The following DIAPH2 variants were observed in gnomAD, a reference collection of about 807,000 sequenced individuals.
The protein encoded by DIAPH2 is diaphanous related formin 2.
A neutral mutation model predicts 92.7 loss-of-function variants in DIAPH2; 35 were observed. The observed-to-expected ratio is 0.38, with a 90% CI of 0.29 to 0.50. DIAPH2 has a LOEUF of 0.50. DIAPH2 is among the 20% of genes least tolerant of loss of function. The pLI is 0.94. For synonymous variants in DIAPH2, 301 were observed against 280.4 expected, an observed-to-expected ratio of 1.07 and a Z score of -0.73; for missense variants, 701 against 819.5, an observed-to-expected ratio of 0.86 and a Z score of 1.77.
intron 17 of DIAPH2, among the ~76,000 whole-genome samples, chrX:97,024,403 A>G (rs2066317921): frequency 8.9e-6 from 1 of 112,065 alleles, no homozygotes; most frequent in Non-Finnish European, 1.9e-5. Flanking sequence ...TTCCAGAGCC[A>G]GTGTCTCTAA....
chrX:97,189,402 T>C (rs1569324467), intron 22 of DIAPH2, among the ~76,000 whole-genome samples: 1 of 108,804 alleles, frequency 9.2e-6, no homozygotes, highest in African/African-American at 3.4e-5. Context: ...AAAGAATTGG[T>C]CTATGAAGCT....
At chrX:97,131,905 C>T (rs2067140582) in intron 21 of DIAPH2, among the ~76,000 whole-genome samples, 2 of 111,435 alleles carry the variant, frequency 1.8e-5, no homozygotes, top group African/African-American at 6.5e-5. Flanking sequence ...GTTAATTTGC[C>T]ACTGGTCCTG....
chrX:96,958,166 GT>G lies in DIAPH2; in HGVS notation c.1935+25del. On this transcript the variant is annotated intron_variant, in intron 16 of 26. Transcript: ENST00000324765. ...GGTCAAAGGTAATACTAAAACTAGA[GT>G]TTTTTTACTTTGTCTAGCTTTTGTT... 1.7e-6 allele frequency: 2 copies of G among 1,195,026 alleles called. No homozygotes were observed. Among genetic ancestry groups the G allele is most frequent in the African/African-American group, 3.5e-5 (2 of 56,379 alleles).
chrX:97,249,855 C>G (rs1411483743), intron 23 of DIAPH2, among the ~76,000 whole-genome samples: 5 of 111,645 alleles, frequency 4.5e-5, no homozygotes, highest in Non-Finnish European at 9.4e-5. Flanking sequence ...AATCCCAGCA[C>G]TTTGGGAGGC....
chrX:96,776,861 G>A (rs2064381092), intron 4 of DIAPH2, among the ~76,000 whole-genome samples: 1 of 111,763 alleles, frequency 8.9e-6, no homozygotes, highest in Admixed American at 9.6e-5. Flanking sequence ...TGAGAATGCA[G>A]TTAAGGAGAA....
intron 4 of DIAPH2, among the ~76,000 whole-genome samples, chrX:96,830,570 CAAAAAAAA>C (rs776270215): frequency 0.031 from 414 of 13,416 alleles, 1 homozygote; most frequent in African/African-American, 0.14. Context: ...GACTCAGTCT[CAAAAAAAA>C]AAAAAAAAAA....
chrX:96,882,562 A>G (rs953548917), intron 5 of DIAPH2, among the ~76,000 whole-genome samples: 2 of 111,430 alleles, frequency 1.8e-5, no homozygotes, highest in African/African-American at 3.3e-5. Context: ...TTACTTGCCA[A>G]TGGTGGATTC....
chrX:97,508,943 A>G (rs2147834842), intron 26 of DIAPH2, among the ~76,000 whole-genome samples: 1 of 108,648 alleles, frequency 9.2e-6, no homozygotes. Context: ...AGGACCCCTT[A>G]ACAACAACAA....
At chrX:96,748,722 GT>G (rs2064166150) in intron 3 of DIAPH2, among the ~76,000 whole-genome samples, 1 of 111,587 alleles carries the variant, frequency 9.0e-6, no homozygotes, top group South Asian at 3.8e-4. Flanking sequence ...TCATGGTGAA[GT>G]TTATTTGACA....
At chrX:97,059,007 T>C (rs1000126267) in intron 17 of DIAPH2, among the ~76,000 whole-genome samples, 1 of 111,940 alleles carries the variant, frequency 8.9e-6, no homozygotes, top group African/African-American at 3.2e-5. Flanking sequence ...AAAGTGACAT[T>C]TGACTTCGGT....
At chrX:96,829,321 A>G (rs746949260) in intron 4 of DIAPH2, among the ~76,000 whole-genome samples, 5 of 110,495 alleles carry the variant, frequency 4.5e-5, no homozygotes, top group Non-Finnish European at 9.4e-5. Context: ...GTATCTGCCA[A>G]TGCAATTAAA....
chrX:96,962,594 A>G (rs1002013836), intron 16 of DIAPH2, among the ~76,000 whole-genome samples: 5 of 95,578 alleles, frequency 5.2e-5, no homozygotes, highest in Non-Finnish European at 8.2e-5. Context: ...TTTACTCCTC[A>G]CTTTTGGTTA....
At chrX:97,484,052 G>A (rs989069852) in intron 26 of DIAPH2, among the ~76,000 whole-genome samples, 2 of 110,988 alleles carry the variant, frequency 1.8e-5, no homozygotes, top group African/African-American at 6.5e-5. Flanking sequence ...AAAACATCAC[G>A]TTGTACCCCA....
intron 20 of DIAPH2, among the ~76,000 whole-genome samples, chrX:97,112,670 T>C: frequency 9.3e-6 from 1 of 108,077 alleles, no homozygotes; most frequent in African/African-American, 3.4e-5. Flanking sequence ...ATACCTAGCC[T>C]ATAAACCTTT....
chrX:97,300,990 T>C (rs188735515), intron 23 of DIAPH2, among the ~76,000 whole-genome samples: 1 of 71,077 alleles, frequency 1.4e-5, no homozygotes, highest in African/African-American at 5.2e-5. Flanking sequence ...TCTCCATAGT[T>C]ATTCATAACA....
chrX:97,374,059 A>G (rs1424799068), intron 24 of DIAPH2, among the ~76,000 whole-genome samples: 1 of 108,150 alleles, frequency 9.2e-6, no homozygotes, highest in Non-Finnish European at 1.9e-5. Context: ...TGGAAGCACT[A>G]TTTTTTTTTC....
intron 17 of DIAPH2, among the ~76,000 whole-genome samples, chrX:96,980,304 A>T (rs1472177744): frequency 9.0e-6 from 1 of 110,990 alleles, no homozygotes; most frequent in African/African-American, 3.3e-5. Flanking sequence ...ATGGAGCAGG[A>T]AGGTATTTGT....
chrX:97,225,207 A>C (rs1490604800), intron 22 of DIAPH2, among the ~76,000 whole-genome samples: 1 of 111,578 alleles, frequency 9.0e-6, no homozygotes, highest in Non-Finnish European at 1.9e-5. Flanking sequence ...TTACTCTCTA[A>C]TTAGGTGTGC....
chrX:97,315,447 A>C, intron 23 of DIAPH2, among the ~76,000 whole-genome samples: 1 of 111,881 alleles, frequency 8.9e-6, no homozygotes, highest in Non-Finnish European at 1.9e-5. Flanking sequence ...GGTGTGCTCC[A>C]AGGTACCCAA....
Sources: allele counts gnomAD v4.1 joint callset (sites outside exome capture counted in the v4.1 genomes callset), GRCh38; gene constraint gnomAD v4.1.1; transcripts MANE v1.5; gene names NCBI Gene and HGNC (gene_info 2026-07-23, HGNC 2026-07-21).